NEBL: variants seen among roughly 807,000 people sequenced by gnomAD.
NEBL encodes LIM and SH3 protein 2.
Under a neutral mutation model 140.2 loss-of-function variants are expected in NEBL, and 122 were observed. The observed-to-expected ratio is 0.87, with a 90% CI of 0.75 to 1.01. NEBL has a LOEUF of 1.01. Ranked by LOEUF, NEBL falls within the 50% of genes least tolerant of loss-of-function variation. The pLI is 0.00. For synonymous variants in NEBL, 436 were observed against 398.9 expected, an observed-to-expected ratio of 1.09 and a Z score of -1.11; for missense variants, 1,365 against 1,231.3, an observed-to-expected ratio of 1.11 and a Z score of -1.62.
intron 24 of NEBL, among the ~76,000 whole-genome samples, chr10:20,811,637 C>T (rs1412274542): frequency 6.6e-6 from 1 of 152,202 alleles, no homozygotes; most frequent in Non-Finnish European, 1.5e-5. Context: ...TTACTTAGTG[C>T]TGCTCTGACT....
At chr10:20,968,371 C>T (rs1483353216) in intron 3 of NEBL, among the ~76,000 whole-genome samples, 1 of 151,796 alleles carries the variant, frequency 6.6e-6, no homozygotes, top group Non-Finnish European at 1.5e-5. Context: ...ATCAGCCAGG[C>T]ATGGTGGTAC....
chr10:21,273,750 A>G (rs908852788), intron 1 of NEBL, among the ~76,000 whole-genome samples: 1 of 152,236 alleles, frequency 6.6e-6, no homozygotes, highest in Non-Finnish European at 1.5e-5. Context: ...TGCTCTGCCC[A>G]GCTGAGGGGT....
At chr10:20,847,413 T>C (rs1382538192) in intron 11 of NEBL, among the ~76,000 whole-genome samples, 1 of 152,168 alleles carries the variant, frequency 6.6e-6, no homozygotes, top group Admixed American at 6.6e-5. Context: ...AGAGAGACTA[T>C]CTAAAATCCC....
At chr10:20,826,628 T>C in intron 17 of NEBL, 89 bp from the exon 18 acceptor site, 1 of 956,226 alleles carries the variant, frequency 1.0e-6, no homozygotes. Context: ...TCTCAGGTTT[T>C]ATAATAATAT....
chr10:20,989,287 G>A (rs1837370928), intron 3 of NEBL, among the ~76,000 whole-genome samples: 1 of 141,984 alleles, frequency 7.0e-6, no homozygotes, highest in Admixed American at 6.8e-5. Flanking sequence ...CTTTACTTTG[G>A]GGAGGTTTTT....
intron 2 of NEBL, among the ~76,000 whole-genome samples, chr10:21,135,435 A>AT (rs1491507917): frequency 7.2e-6 from 1 of 139,788 alleles, no homozygotes; most frequent in African/African-American, 2.7e-5. Context: ...CAGTGGAGAT[A>AT]AAAAAAAAAA....
rs1256153819 is a variant in NEBL at position 20,831,492 on chromosome 10, G to A, written c.1541C>T (p.Ala514Val). 1.9e-6 allele frequency: 3 copies of A among 1,610,596 alleles called. No individual in the cohort carries two copies. The Admixed American group carries it at 5.0e-5, about 27-fold the overall frequency. The change falls in exon 15 of 28, where the codon GCA becomes GTA. Residue 514 changes from alanine to valine, a missense_variant. Ala to Val is a moderately conservative substitution (Grantham distance 64). Around this residue, in one of 2 missense-constraint regions of NEBL, gnomAD observed 1,323 missense variants for 1,154.8 expected, o/e 1.15. Coordinates refer to ENST00000377122, the MANE Select transcript of NEBL (RefSeq NM_006393.3). The stretch of plus-strand genomic sequence containing the variant: ...TCTTACCTGGCTGGCCATCTCGGAT[G>A]CTTTCTTAGCTCTCTGGACATCAAG... Reference protein sequence around the residue: ...DTLDVQRAKKASEMASQKQYK... With the variant: ...DTLDVQRAKKVSEMASQKQYK...
intron 2 of NEBL, among the ~76,000 whole-genome samples, chr10:21,070,305 G>T: frequency 6.6e-6 from 1 of 152,068 alleles, no homozygotes; most frequent in East Asian, 1.9e-4. Context: ...GGCTTCTTTA[G>T]CTTCTGATTA....
chr10:20,782,039 A>T lies in NEBL; in HGVS notation c.*3708T>A, dbSNP rs1468937867. The T allele has an allele frequency of 6.6e-6, 1 of 152,628 alleles. No homozygotes were observed. The highest frequency in any genetic ancestry group is 2.4e-5 in the African/African-American group (1 of 41,464). 9.5% of individuals were successfully genotyped at this position (152,628 alleles called of 1,614,324 possible). A position where few individuals can be genotyped will look rare whatever the true frequency, so the allele number is the denominator to read the frequency against. On this transcript the variant is annotated 3_prime_UTR_variant, in exon 28 of 28. Coordinates refer to ENST00000377122, the MANE Select transcript of NEBL (RefSeq NM_006393.3). ...AATCCCAAATCTAAAGTTAATGTTTATATAGCTCAACTCTATATAAATCCA... is the reference window on the plus strand; with the variant it reads ...AATCCCAAATCTAAAGTTAATGTTTTTATAGCTCAACTCTATATAAATCCA...
At chr10:20,953,442 C>T (rs188543696) in intron 4 of NEBL, among the ~76,000 whole-genome samples, 6 of 151,908 alleles carry the variant, frequency 3.9e-5, no homozygotes, top group Non-Finnish European at 2.9e-5. Flanking sequence ...AAATTTCTGT[C>T]GCTTTACGCT....
chr10:21,070,111 G>A (rs1420039833), intron 2 of NEBL: 2 of 393,054 alleles, frequency 5.1e-6, no homozygotes, highest in African/African-American at 4.2e-5. Flanking sequence ...GCTGCAGGGG[G>A]ACTTTTCGGG....
intron 5 of NEBL, among the ~76,000 whole-genome samples, chr10:20,875,482 T>C (rs973562292): frequency 6.6e-6 from 1 of 152,174 alleles, no homozygotes; most frequent in African/African-American, 2.4e-5. Context: ...GAAATAGACA[T>C]CTTTATTCTG....
intron 5 of NEBL, among the ~76,000 whole-genome samples, chr10:20,877,699 A>C (rs1845634419): frequency 6.6e-6 from 1 of 152,070 alleles, no homozygotes; most frequent in African/African-American, 2.4e-5. Context: ...CCAGGCAAAG[A>C]CCCCATTTGC....
chr10:20,842,006 C>T (rs371494020), intron 12 of NEBL, among the ~76,000 whole-genome samples: 17 of 151,966 alleles, frequency 1.1e-4, no homozygotes, highest in Non-Finnish European at 1.6e-4. Context: ...TACTTAATTG[C>T]GTATGAAAAT....
intron 26 of NEBL, among the ~76,000 whole-genome samples, chr10:20,794,687 G>A (rs1257556716): frequency 6.6e-6 from 1 of 152,106 alleles, no homozygotes. Flanking sequence ...GGTAACATAA[G>A]ACTCTACTTC....
intron 7 of NEBL, among the ~76,000 whole-genome samples, chr10:20,863,152 C>A (rs1312994892): frequency 6.6e-6 from 1 of 152,112 alleles, no homozygotes; most frequent in Non-Finnish European, 1.5e-5. Flanking sequence ...AACTGCACAA[C>A]TTCTCATATA....
intron 2 of NEBL, among the ~76,000 whole-genome samples, chr10:21,078,133 G>C (rs1000928650): frequency 3.3e-5 from 5 of 152,114 alleles, no homozygotes; most frequent in Non-Finnish European, 7.4e-5. Flanking sequence ...AAATAATGGG[G>C]AAAGCAACAA....
chr10:20,913,724 C>A (rs1246711785), intron 4 of NEBL, among the ~76,000 whole-genome samples: 1 of 152,054 alleles, frequency 6.6e-6, no homozygotes, highest in East Asian at 1.9e-4. Flanking sequence ...ATAGATTTCC[C>A]AGTATTGAAT....
Position 21,066,428 on chromosome 10 carries a change from A to G in NEBL, c.165-46227T>C, listed in dbSNP as rs117000172. 7.3e-3 allele frequency among the ~76,000 whole-genome samples: 1,117 copies of G among 152,346 alleles called. 41 individuals carry two copies. In the East Asian group the frequency reaches 0.089, roughly 12 times the overall value. ...TTTTTCATGCTAATGATTAAAAAAT[A>G]AAAGTTAAGAAGTAAACAAAATGTA... On this transcript the variant is annotated intron_variant, in intron 2 of 6. Coordinates refer to the NEBL transcript ENST00000417816.
Sources: allele counts gnomAD v4.1 joint callset (sites outside exome capture counted in the v4.1 genomes callset), GRCh38; gene constraint gnomAD v4.1.1; regional missense constraint gnomAD v4.1.1; transcripts MANE v1.5; gene names NCBI Gene and HGNC (gene_info 2026-07-23, HGNC 2026-07-21).